The following TAF12 variants were observed in gnomAD, a reference collection of about 807,000 sequenced individuals.
TAF12 encodes the protein TATA-box binding protein associated factor 12, also known as transcription initiation factor TFIID subunit 12.
A neutral mutation model predicts 20.8 loss-of-function variants in TAF12; 3 were observed. That is an observed-to-expected ratio of 0.14 (90% confidence interval 0.07 to 0.37). TAF12 has a LOEUF of 0.37. TAF12 is among the 10% of genes least tolerant of loss of function. The probability of loss-of-function intolerance (pLI) is 1.00; values close to 1 mark genes in which losing one functional copy is unlikely to be tolerated. For missense variants in TAF12, 131 were observed against 197.9 expected (o/e 0.66, Z 2.03); for synonymous variants, 69 against 70.2 (o/e 0.98, Z 0.09).
At chr1:28,638,996 C>T (rs1458045855) in intron 1 of TAF12, among the ~76,000 whole-genome samples, 2 of 151,082 alleles carry the variant, frequency 1.3e-5, no homozygotes, top group East Asian at 2.0e-4. Context: ...ACCGTGGTCT[C>T]GATCTCCTGA....
chr1:28,634,444 A>G (rs1185671878), intron 1 of TAF12, among the ~76,000 whole-genome samples: 1 of 151,682 alleles, frequency 6.6e-6, no homozygotes, highest in Non-Finnish European at 1.5e-5. Context: ...AAACCCCACA[A>G]AAAACAGGCA....
chr1:28,632,852 G>A (rs1667680677), intron 1 of TAF12, among the ~76,000 whole-genome samples: 1 of 151,912 alleles, frequency 6.6e-6, no homozygotes, highest in African/African-American at 2.4e-5. Flanking sequence ...TAATTTTATT[G>A]TATATAAATT....
chr1:28,613,457 C>G, intron 3 of TAF12, 96 bp from the exon 4 acceptor site: 3 of 1,016,166 alleles, frequency 3.0e-6, no homozygotes, highest in Non-Finnish European at 4.3e-6. Flanking sequence ...CATATTTAGT[C>G]AGGCATTCTA....
At chr1:28,639,272 C>A (rs1033337840) in intron 1 of TAF12, among the ~76,000 whole-genome samples, 4 of 151,302 alleles carry the variant, frequency 2.6e-5, no homozygotes, top group African/African-American at 9.7e-5. Flanking sequence ...AAAAATTAGC[C>A]AGGCATGGTG....
upstream of TAF12, chr1:28,645,945 G>C (rs1478867816): frequency 6.7e-6 from 1 of 150,054 alleles, no homozygotes; most frequent in Non-Finnish European, 1.5e-5. Flanking sequence ...TCCAACCTGG[G>C]CAACAGAGTG....
intron 5 of TAF12, 86 bp downstream of exon 5, chr1:28,605,286 C>A: frequency 7.0e-7 from 1 of 1,424,110 alleles, no homozygotes; most frequent in Non-Finnish European, 9.9e-7. Context: ...AGCGAGGCCC[C>A]CTAGAAGGTA....
intron 1 of TAF12, among the ~76,000 whole-genome samples, chr1:28,640,776 T>C (rs1668003146): frequency 1.3e-5 from 2 of 152,190 alleles, no homozygotes; most frequent in Admixed American, 6.6e-5. Flanking sequence ...TAAATAACAC[T>C]GAGCTTTATT....
chr1:28,622,849 C>T lies in TAF12; in HGVS notation c.-84-684G>A, dbSNP rs566732066. On this transcript the variant is annotated intron_variant, in intron 1 of 5. Coordinates refer to ENST00000373824, the MANE Select transcript of TAF12 (RefSeq NM_005644.4). ...GAGCCTGACCAACATGGTGAAACCC[C>T]ATCTCTACTAAAAATACAAAAAAAT... Among the ~76,000 whole-genome samples the T allele has an allele frequency of 3.3e-5, 5 of 151,876 alleles. No homozygotes were observed. The East Asian group carries it at 9.7e-4, about 30-fold the overall frequency.
Position 28,620,298 on chromosome 1 carries a change from T to A in TAF12, c.168+1616A>T, listed in dbSNP as rs571052952. Among the ~76,000 whole-genome samples, 8 of 151,740 alleles carry A rather than the reference T, an allele frequency of 5.3e-5. No homozygotes were observed. In the East Asian group the frequency reaches 1.6e-3, roughly 30 times the overall value. On this transcript the variant is annotated intron_variant, in intron 2 of 5. Coordinates refer to ENST00000373824, the MANE Select transcript of TAF12 (RefSeq NM_005644.4). ...ACAGGTGTGCACCACCATGCCAGGT[T>A]GATTTTTGTAATTTTAGTAGAGATG...
At chr1:28,635,938 G>A (rs1266150079) in intron 1 of TAF12, among the ~76,000 whole-genome samples, 1 of 152,014 alleles carries the variant, frequency 6.6e-6, no homozygotes, top group Non-Finnish European at 1.5e-5. Flanking sequence ...CAAAATACTG[G>A]AATCAAGAGG....
intron 3 of TAF12, among the ~76,000 whole-genome samples, chr1:28,615,082 C>G (rs1666984238): frequency 6.6e-6 from 1 of 152,016 alleles, no homozygotes; most frequent in African/African-American, 2.4e-5. Context: ...GCACTCCAGC[C>G]TAGGTGACAG....
At chr1:28,633,259 C>G (rs1297821356) in intron 1 of TAF12, among the ~76,000 whole-genome samples, 1 of 150,844 alleles carries the variant, frequency 6.6e-6, no homozygotes, top group Non-Finnish European at 1.5e-5. Flanking sequence ...CTCTGCCTCC[C>G]GGGTTCAAGC....
upstream of TAF12, chr1:28,643,184 ACGTGGTGG>A: frequency 1.1e-6 from 1 of 885,230 alleles, no homozygotes; most frequent in Non-Finnish European, 1.4e-6. Context: ...GCCCTCCGAC[ACGTGGTGG>A]CGATATTGAG....
chr1:28,610,875 C>T (rs772799645), intron 4 of TAF12, among the ~76,000 whole-genome samples: 1 of 150,652 alleles, frequency 6.6e-6, no homozygotes, highest in Admixed American at 6.6e-5. Flanking sequence ...CAGAAGAATC[C>T]CTTGAACCTG....
intron 1 of TAF12, among the ~76,000 whole-genome samples, chr1:28,634,376 A>G (rs181094271): frequency 6.9e-6 from 1 of 145,328 alleles, no homozygotes; most frequent in Admixed American, 7.3e-5. Flanking sequence ...AGATCACACC[A>G]CTGCACTCCA....
chr1:28,646,398 T>A (rs927895013), upstream of TAF12: 6 of 152,250 alleles, frequency 3.9e-5, no homozygotes, highest in African/African-American at 1.4e-4. Context: ...ATGTAAGAGC[T>A]GTTTATTTAT....
chr1:28,645,836 G>A (rs548050383), upstream of TAF12, among the ~76,000 whole-genome samples: 4 of 151,550 alleles, frequency 2.6e-5, no homozygotes, highest in South Asian at 2.1e-4. Context: ...GTGTAGTGGC[G>A]CGTGCCTGTA....
Position 28,613,327 on chromosome 1 carries a change from C to G in TAF12, c.281G>C (p.Ser94Thr). The change falls in exon 4 of 6, where the codon AGT becomes ACT. Residue 94 changes from serine (S) to threonine (T), a missense_variant. Ser to Thr is a moderately conservative substitution (Grantham distance 58). Transcript: ENST00000373824. ...LLQIADDFIE[S>T]VVTAACQLAR... ...AAGCTGACAGGCTGCTGTCACCACA[C>G]TCTCGATAAAATCATCAGCAATCTG... 1 of 1,611,766 alleles carries G rather than the reference C, an allele frequency of 6.2e-7. No individual in the cohort carries two copies. The highest frequency in any genetic ancestry group is 1.7e-5 in the Admixed American group (1 of 59,648).
chr1:28,628,136 G>T (rs918784849), intron 1 of TAF12, among the ~76,000 whole-genome samples: 1 of 147,658 alleles, frequency 6.8e-6, no homozygotes, highest in Admixed American at 7.1e-5. Context: ...CGACAGAAAG[G>T]AAAACCTGAG....
Sources: allele counts gnomAD v4.1 joint callset (sites outside exome capture counted in the v4.1 genomes callset), GRCh38; gene constraint gnomAD v4.1.1; transcripts MANE v1.5; gene names NCBI Gene and HGNC (gene_info 2026-07-23, HGNC 2026-07-21).